RALYL: variants seen among roughly 807,000 people sequenced by gnomAD.
RALYL encodes RALY RNA binding protein like, also known as RNA-binding Raly-like protein.
A neutral mutation model predicts 35.1 loss-of-function variants in RALYL; 29 were observed. That is an observed-to-expected ratio of 0.83 (90% CI 0.61 to 1.13). The LOEUF is 1.13. RALYL is among the 50% of genes most tolerant of loss of function. RALYL has a pLI of 0.00. For missense variants in RALYL, 359 were observed against 360.4 expected (o/e 1.00, Z 0.03); for synonymous variants, 120 against 127.6 (o/e 0.94, Z 0.40).
At chr8:84,492,290 A>C (rs1587745411) in intron 1 of RALYL, among the ~76,000 whole-genome samples, 1 of 152,202 alleles carries the variant, frequency 6.6e-6, no homozygotes, top group Non-Finnish European at 1.5e-5. Flanking sequence ...TTTAGAAGAA[A>C]CCACTCTTAA....
At chr8:84,845,292 A>G (rs966274486) in intron 4 of RALYL, among the ~76,000 whole-genome samples, 15 of 152,130 alleles carry the variant, frequency 9.9e-5, no homozygotes, top group African/African-American at 3.6e-4. Flanking sequence ...GTAAATACTC[A>G]AATATATTTA....
Position 84,749,700 on chromosome 8 carries a change from G to A in RALYL, c.257-24879G>A, listed in dbSNP as rs369904701. Among the ~76,000 whole-genome samples, 403 of 152,264 alleles carry A rather than the reference G, an allele frequency of 2.6e-3. 7 individuals are homozygous for A. The South Asian group carries it at 0.034, about 13-fold the overall frequency. On this transcript the variant is annotated intron_variant, in intron 2 of 8. Coordinates refer to ENST00000521268, the MANE Select transcript of RALYL (RefSeq NM_173848.7). ...TGTGAAGCAGGTTCACTGTGCACTGGTTACCAATTTGTCTGAGTCTAGGGA... is the reference window on the plus strand; with the variant it reads ...TGTGAAGCAGGTTCACTGTGCACTGATTACCAATTTGTCTGAGTCTAGGGA...
intron 1 of RALYL, among the ~76,000 whole-genome samples, chr8:84,383,865 G>T (rs1454248219): frequency 6.6e-6 from 1 of 151,322 alleles, no homozygotes; most frequent in African/African-American, 2.4e-5. Context: ...TACCAAGATT[G>T]AAGAATTGAG....
chr8:84,460,693 T>G (rs1420553150), intron 1 of RALYL, among the ~76,000 whole-genome samples: 2 of 151,672 alleles, frequency 1.3e-5, no homozygotes, highest in Non-Finnish European at 3.0e-5. Context: ...GATGAGAAGT[T>G]GGAGGGTCGG....
At chr8:84,398,216 A>T (rs2042535978) in intron 1 of RALYL, among the ~76,000 whole-genome samples, 1 of 152,110 alleles carries the variant, frequency 6.6e-6, no homozygotes, top group African/African-American at 2.4e-5. Context: ...TATAAATCAG[A>T]TTTTACAGAG....
intron 2 of RALYL, among the ~76,000 whole-genome samples, chr8:84,560,481 TA>T (rs1450474538): frequency 6.6e-6 from 1 of 151,968 alleles, no homozygotes; most frequent in African/African-American, 2.4e-5. Flanking sequence ...TAGCCTGGGA[TA>T]TAATTATGTT....
At chr8:84,192,346 G>A (rs1563506912) in intron 1 of RALYL, among the ~76,000 whole-genome samples, 1 of 152,274 alleles carries the variant, frequency 6.6e-6, no homozygotes. Context: ...ACTGTGGGAG[G>A]ACTTTTCCAG....
intron 1 of RALYL, among the ~76,000 whole-genome samples, chr8:84,269,660 T>C (rs1428094195): frequency 6.6e-6 from 1 of 152,126 alleles, no homozygotes; most frequent in Non-Finnish European, 1.5e-5. Context: ...ATGTATGTAA[T>C]GTGTAGAAAA....
At position 84,427,377 on chromosome 8, in the gene RALYL, T is replaced by A. The variant is rs191106391; in HGVS notation, c.-23-101922T>A. 1.5e-3 allele frequency among the ~76,000 whole-genome samples: 228 copies of A among 152,336 alleles called. 2 individuals are homozygous for A. Among genetic ancestry groups the A allele is most frequent in the African/African-American group, 4.5e-3 (186 of 41,588 alleles). ...TTCTCATTAGTGATTGGGAATTTGG[T>A]AAAATGAAGGTTTCTGGACTACATC... On this transcript the variant is annotated intron_variant, in intron 1 of 8. Coordinates refer to ENST00000521268, the MANE Select transcript of RALYL (RefSeq NM_173848.7).
chr8:84,640,863 T>C (rs1349298088), intron 2 of RALYL, among the ~76,000 whole-genome samples: 2 of 151,854 alleles, frequency 1.3e-5, no homozygotes, highest in Non-Finnish European at 2.9e-5. Flanking sequence ...CTTAAGAAAA[T>C]CTCATTATAA....
intron 1 of RALYL, among the ~76,000 whole-genome samples, chr8:84,249,867 G>A (rs919499583): frequency 1.6e-5 from 2 of 124,010 alleles, no homozygotes; most frequent in Non-Finnish European, 3.5e-5. Flanking sequence ...TTAATTTTGA[G>A]TTCAAAGGTT....
chr8:84,523,536 T>G (rs1333519449), intron 1 of RALYL, among the ~76,000 whole-genome samples: 1 of 152,082 alleles, frequency 6.6e-6, no homozygotes, highest in Non-Finnish European at 1.5e-5. Context: ...TTATTATACT[T>G]TAAGTTTTAG....
At chr8:84,408,406 T>G (rs2043766055) in intron 1 of RALYL, among the ~76,000 whole-genome samples, 1 of 152,070 alleles carries the variant, frequency 6.6e-6, no homozygotes, top group African/African-American at 2.4e-5. Context: ...ACAAATAAGG[T>G]TCAAAGTAAT....
At chr8:84,723,182 C>T (rs1215265579) in intron 2 of RALYL, among the ~76,000 whole-genome samples, 2 of 151,758 alleles carry the variant, frequency 1.3e-5, no homozygotes, top group Non-Finnish European at 2.9e-5. Flanking sequence ...ATGAAAGAAC[C>T]GAAGAATCTG....
chr8:84,356,824 T>TTCTC (rs1851929669), intron 1 of RALYL, among the ~76,000 whole-genome samples: 2 of 144,044 alleles, frequency 1.4e-5, no homozygotes, highest in African/African-American at 2.7e-5. Context: ...CACAGTAAAA[T>TTCTC]AAAAGAATAT....
intron 1 of RALYL, among the ~76,000 whole-genome samples, chr8:84,275,763 A>G (rs2132009153): frequency 6.6e-6 from 1 of 152,212 alleles, no homozygotes; most frequent in East Asian, 1.9e-4. Flanking sequence ...TCAGTTGAAT[A>G]TTTATTTCTT....
At chr8:84,430,643 G>A (rs2047047794) in intron 1 of RALYL, among the ~76,000 whole-genome samples, 1 of 151,984 alleles carries the variant, frequency 6.6e-6, no homozygotes, top group Non-Finnish European at 1.5e-5. Flanking sequence ...AAATTGCACA[G>A]CACAAGACAC....
chr8:84,613,017 T>C (rs1818656636), intron 2 of RALYL, among the ~76,000 whole-genome samples: 1 of 151,698 alleles, frequency 6.6e-6, no homozygotes, highest in Non-Finnish European at 1.5e-5. Context: ...TGTTTTGTGA[T>C]CCAAGTTCAT....
intron 1 of RALYL, among the ~76,000 whole-genome samples, chr8:84,213,631 A>C (rs1820072759): frequency 6.6e-6 from 1 of 152,198 alleles, no homozygotes; most frequent in Non-Finnish European, 1.5e-5. Context: ...TTCAAGATGA[A>C]AGTAATCACA....
Sources: gnomAD v4.1 joint callset for allele counts (sites outside exome capture counted in the v4.1 genomes callset) on GRCh38, gnomAD v4.1.1 for gene constraint, MANE v1.5 for transcripts, NCBI Gene and HGNC (gene_info 2026-07-23, HGNC 2026-07-21) for gene names.